CDK5RAP3: variants seen among roughly 807,000 people sequenced by gnomAD.
CDK5RAP3 encodes CDK5 regulatory subunit-associated protein 3.
In CDK5RAP3, 58 loss-of-function variants were observed where a neutral mutation model predicts 73.3. The ratio of observed to expected loss-of-function variants is 0.79; its 90% CI spans 0.64 to 0.98. The LOEUF is 0.98. CDK5RAP3 is among the 50% of genes least tolerant of loss of function. The pLI is 0.00. For missense variants in CDK5RAP3, 525 were observed against 615.8 expected (o/e 0.85, Z 1.56); for synonymous variants, 224 against 247.5 (o/e 0.91, Z 0.89).
intron 2 of CDK5RAP3, among the ~76,000 whole-genome samples, chr17:47,973,005 G>T (rs1254334006): frequency 6.6e-6 from 1 of 152,154 alleles, no homozygotes; most frequent in Non-Finnish European, 1.5e-5. Context: ...CATGTACAGG[G>T]TGGTACTTCA....
At chr17:47,971,456 C>T (rs926324957) in intron 2 of CDK5RAP3, 49 bp downstream of exon 2, 14 of 1,517,510 alleles carry the variant, frequency 9.2e-6, no homozygotes, top group African/African-American at 1.4e-5. Context: ...GAGGCCTGTG[C>T]GTTGCCCCCT....
intron 4 of CDK5RAP3, 95 bp downstream of exon 4, chr17:47,974,126 G>A (rs2036337057): frequency 1.2e-6 from 1 of 855,502 alleles, no homozygotes. Context: ...CAGTGGGGAT[G>A]CCTACATAGA....
chr17:47,968,440 G>A (rs2036211329), upstream of CDK5RAP3, among the ~76,000 whole-genome samples: 1 of 151,784 alleles, frequency 6.6e-6, no homozygotes. Context: ...GCAGCCTCCC[G>A]AGTAGCTGAG....
chr17:47,975,778 C>T lies in CDK5RAP3; in HGVS notation c.654-91C>T, dbSNP rs1175995108. On this transcript the variant is annotated intron_variant, in intron 7 of 13. Coordinates refer to ENST00000338399, the MANE Select transcript of CDK5RAP3 (RefSeq NM_176096.3). ...CTTTACACACCTGAACCTGTGGGGGCCTTGCCCATTTGACCATGTGGCCCA... is the reference window on the plus strand; with the variant it reads ...CTTTACACACCTGAACCTGTGGGGGTCTTGCCCATTTGACCATGTGGCCCA... 7 of 1,595,588 alleles carry T rather than the reference C, an allele frequency of 4.4e-6. No homozygotes were observed. In the East Asian group the frequency reaches 1.6e-4, roughly 36 times the overall value.
rs2036564631 is a variant in CDK5RAP3, at chr17:47,981,756, A to G, written c.*254A>G. The G allele has an allele frequency of 6.8e-7, 1 of 1,479,680 alleles. No individual in the cohort carries two copies. Among genetic ancestry groups the G allele is most frequent in the Non-Finnish European group, 9.0e-7 (1 of 1,111,326 alleles). 91.7% of individuals were successfully genotyped at this position (1,479,680 alleles called of 1,614,324 possible). ...CTAGTTAGTATAGCGGACTTAATAA[A>G]AGAGGAAAAAACTCTTGCTTCAGTA... On this transcript the variant is annotated 3_prime_UTR_variant, in exon 14 of 14. Transcript: ENST00000338399.
chr17:47,977,357 G>A (rs1309966491), intron 9 of CDK5RAP3, among the ~76,000 whole-genome samples: 1 of 152,064 alleles, frequency 6.6e-6, no homozygotes, highest in Non-Finnish European at 1.5e-5. Context: ...CACCATGTTA[G>A]CCAGATGGTC....
chr17:47,973,844 A>G (rs555690876), intron 3 of CDK5RAP3, 87 bp from the exon 4 acceptor site: 8 of 1,207,358 alleles, frequency 6.6e-6, no homozygotes, highest in African/African-American at 6.0e-5. Context: ...TACTGGCAGT[A>G]TATTATACAT....
chr17:47,980,398 A>T, intron 11 of CDK5RAP3, 195 bp from the exon 12 acceptor site: 1 of 606,160 alleles, frequency 1.6e-6, no homozygotes. Flanking sequence ...CCTCCTGAGT[A>T]GCTGGGACTA....
chr17:47,980,368 A>C, intron 11 of CDK5RAP3: 3 of 545,342 alleles, frequency 5.5e-6, no homozygotes, highest in East Asian at 3.3e-5. Context: ...TCCTGGGCTC[A>C]AGTGATCCTC....
Position 47,975,289 on chromosome 17 carries a change from C to T in CDK5RAP3, c.465C>T (p.Ala155=), listed in dbSNP as rs372048386. 216 of 1,614,012 alleles carry T rather than the reference C, an allele frequency of 1.3e-4. 2 individuals are homozygous for T. The highest frequency in any genetic ancestry group is 1.2e-3 in the Middle Eastern group (7 of 6,080). The change falls in exon 6 of 14, where the codon GCC becomes GCT. Residue 155 remains alanine (A), a synonymous_variant. Transcript: ENST00000338399. ...AGGAGGAGTGCCAGGCAGGGGCTGC[C>T]GAGATGCGGGAGCAGTTCTACCACT... is the stretch of plus-strand genomic sequence containing the variant. The part of the protein sequence containing the change: ...RKEEECQAGA[A]EMREQFYHSC...
rs2036485464 is a variant in CDK5RAP3, at chr17:47,978,848, G to A, written c.1008G>A (p.Arg336=). The change falls in exon 11 of 14, where the codon AGG becomes AGA. Residue 336 remains arginine, a synonymous_variant. Transcript: ENST00000338399. ...TGGCAGCTCCAGAAGGTGTTGCCAG[G>A]GGCCCAGATGCCCTGACACTGCTTG... ...AGTQAPEGVA[R]GPDALTLLEY... is the part of the protein sequence containing the mutation. The A allele has an allele frequency of 6.2e-7, 1 of 1,613,784 alleles. No individual in the cohort carries two copies. Among genetic ancestry groups the A allele is most frequent in the African/African-American group, 1.3e-5 (1 of 74,856 alleles).
At position 47,976,793 on chromosome 17, in the gene CDK5RAP3, T is replaced by TGGG; in HGVS notation, c.882_884dup (p.Gly295dup). ...CTCTGCCGAGGCTGCTGGAATCGAC[T>TGGG]GGGGCATCTTCCCGGAATCAGATTC... is the stretch of plus-strand genomic sequence containing the variant. On this transcript the variant is annotated inframe_insertion, in exon 9 of 14. Transcript: ENST00000338399. The TGGG allele has an allele frequency of 1.2e-5, 20 of 1,610,850 alleles. No individual in the cohort carries two copies. The highest frequency in any genetic ancestry group is 1.6e-5 in the Non-Finnish European group (19 of 1,178,170).
rs2036329205 is a variant in CDK5RAP3, at chr17:47,973,919, C to T, written c.185-12C>T. The T allele has an allele frequency of 1.2e-6, 2 of 1,603,816 alleles. No individual in the cohort carries two copies. The highest frequency in any genetic ancestry group is 2.7e-5 in the African/African-American group (2 of 74,818). On this transcript the variant is annotated splice_polypyrimidine_tract_variant and intron_variant, in intron 3 of 13. Transcript: ENST00000338399. Reference sequence around the variant, plus strand: ...TACTTTAGTTCTCGAAATCCCGTCTCTTGCTTTCTAGACATTCACTACTTT... The same window carrying T: ...TACTTTAGTTCTCGAAATCCCGTCTTTTGCTTTCTAGACATTCACTACTTT...
chr17:47,971,315 T>A (rs745759161), intron 1 of CDK5RAP3, 47 bp from the exon 2 acceptor site: 1 of 1,591,132 alleles, frequency 6.3e-7, no homozygotes, highest in South Asian at 1.1e-5. Flanking sequence ...GAGTGGTACG[T>A]CCTCTCTCCG....
At chr17:47,967,975 TC>T (rs1171739894), upstream of CDK5RAP3, 1 of 152,324 alleles carries the variant, frequency 6.6e-6, no homozygotes, top group Non-Finnish European at 1.5e-5. Context: ...GTGCTGGTGG[TC>T]CCTGCTTCCA....
At chr17:47,975,421 G>A (rs1416977036) in intron 6 of CDK5RAP3, 84 bp downstream of exon 6, 1 of 1,606,466 alleles carries the variant, frequency 6.2e-7, no homozygotes, top group Non-Finnish European at 8.5e-7. Context: ...CCCTCAGCCT[G>A]GTTGCACCCC....
chr17:47,977,629 T>C (rs888201763), intron 9 of CDK5RAP3, among the ~76,000 whole-genome samples: 2 of 152,022 alleles, frequency 1.3e-5, no homozygotes, highest in African/African-American at 2.4e-5. Flanking sequence ...TGGTACAGGG[T>C]GTAGGGGTAA....
At position 47,978,964 on chromosome 17, in the gene CDK5RAP3, C is replaced by T. The variant is rs1451012567; in HGVS notation, c.1077+47C>T. ...GCAGGGGGGAGGCATGGCACCAGCA[C>T]AGGTGGCTTCACTCCAGATGCCTGA... On this transcript the variant is annotated intron_variant, in intron 11 of 13. Transcript: ENST00000338399. 2.0e-6 allele frequency: 3 copies of T among 1,467,734 alleles called. No individual in the cohort carries two copies. In the Admixed American group the frequency reaches 5.0e-5, roughly 25 times the overall value. 90.9% of individuals were successfully genotyped at this position (1,467,734 alleles called of 1,614,324 possible). A position where few individuals can be genotyped will look rare whatever the true frequency, so the allele number is the denominator to read the frequency against.
At chr17:47,980,525 C>G in intron 11 of CDK5RAP3, 68 bp from the exon 12 acceptor site, 3 of 1,456,646 alleles carry the variant, frequency 2.1e-6, no homozygotes, top group Non-Finnish European at 2.9e-6. Context: ...CCTTGGCCTC[C>G]CACAGTGCTG....
Sources: allele counts gnomAD v4.1 joint callset (sites outside exome capture counted in the v4.1 genomes callset), GRCh38; gene constraint gnomAD v4.1.1; transcripts MANE v1.5; gene names NCBI Gene and HGNC (gene_info 2026-07-23, HGNC 2026-07-21).